EDC3: variants seen among roughly 807,000 people sequenced by gnomAD.
The protein encoded by EDC3 is enhancer of mRNA decapping 3.
A neutral mutation model predicts 41.8 loss-of-function variants in EDC3; 20 were observed. The ratio of observed to expected loss-of-function variants is 0.48; its 90% CI spans 0.34 to 0.70. The LOEUF (loss-of-function observed/expected upper bound fraction) is 0.70. Among genes scored for constraint, EDC3 ranks in the 30% least tolerant of loss-of-function variants. The pLI, the probability that EDC3 is intolerant of heterozygous loss-of-function variation, is 0.01. For missense variants in EDC3, 444 were observed against 636.8 expected, an observed-to-expected ratio of 0.70 and a Z score of 3.26; for synonymous variants, 206 against 243.2, an observed-to-expected ratio of 0.85 and a Z score of 1.42.
chr15:74,672,165 A>C lies in EDC3; in HGVS notation c.165-391T>G, dbSNP rs1364973060. ...GCACCTGTAGTCCCAGCTACTTGGGAGGCTGAGGCAGGAGAATGGCGTGAA... is the reference window on the plus strand; with the variant it reads ...GCACCTGTAGTCCCAGCTACTTGGGCGGCTGAGGCAGGAGAATGGCGTGAA... On this transcript the variant is annotated intron_variant, in intron 2 of 6. Coordinates refer to ENST00000315127, the MANE Select transcript of EDC3 (RefSeq NM_025083.5). Among the ~76,000 whole-genome samples the C allele has an allele frequency of 4.1e-5, 6 of 147,314 alleles. No homozygotes were observed. The Admixed American group carries it at 4.1e-4, about 10-fold the overall frequency.
intron 4 of EDC3, among the ~76,000 whole-genome samples, chr15:74,652,906 G>A (rs926468596): frequency 1.1e-4 from 17 of 152,152 alleles, no homozygotes; most frequent in African/African-American, 3.6e-4. Flanking sequence ...CCAGCTGGGC[G>A]TGGTGGCTGA....
intron 1 of EDC3, among the ~76,000 whole-genome samples, chr15:74,683,092 CT>C (rs1385263806): frequency 2.0e-5 from 3 of 152,170 alleles, no homozygotes; most frequent in Non-Finnish European, 4.4e-5. Flanking sequence ...AAGCCACAAA[CT>C]GGAAACAACT....
intron 3 of EDC3, among the ~76,000 whole-genome samples, chr15:74,659,693 G>T (rs917514771): frequency 2.7e-5 from 4 of 150,652 alleles, no homozygotes; most frequent in Non-Finnish European, 5.9e-5. Flanking sequence ...CAACATAGTG[G>T]GACCCCTGTC....
At chr15:74,674,438 A>G (rs1352854095) in intron 2 of EDC3, among the ~76,000 whole-genome samples, 1 of 152,234 alleles carries the variant, frequency 6.6e-6, no homozygotes, top group East Asian at 1.9e-4. Context: ...TGGGATTGAG[A>G]TACTGTCAGT....
intron 1 of EDC3, chr15:74,695,466 C>CAGTT (rs1463102289): frequency 6.6e-6 from 1 of 152,092 alleles, no homozygotes; most frequent in Non-Finnish European, 1.5e-5. Flanking sequence ...TTCTACCCTC[C>CAGTT]AGTTCATCTC....
intron 4 of EDC3, among the ~76,000 whole-genome samples, chr15:74,647,977 T>A (rs117325049): frequency 2.9e-4 from 44 of 152,098 alleles, no homozygotes; most frequent in Non-Finnish European, 6.2e-4. Flanking sequence ...CGTTGGGGAA[T>A]GAAGTTGGGG....
At chr15:74,690,710 G>A (rs965413199) in intron 1 of EDC3, among the ~76,000 whole-genome samples, 2 of 152,220 alleles carry the variant, frequency 1.3e-5, no homozygotes, top group African/African-American at 4.8e-5. Context: ...ACTTTGGGAG[G>A]CTGAGGCAGG....
chr15:74,659,915 C>T (rs1373879583), intron 3 of EDC3, among the ~76,000 whole-genome samples: 4 of 151,414 alleles, frequency 2.6e-5, no homozygotes, highest in South Asian at 2.1e-4. Flanking sequence ...CATGGTGGCG[C>T]GCACATGTAG....
rs2063046051 is a variant in EDC3 at position 74,694,722 on chromosome 15, T to C, written c.-19+1158A>G. ...GTAGAAAGGGTAAGTAAACTTTTCATTGGTGTGTGTGTGTGTGTACACACT... is the reference window on the plus strand; with the variant it reads ...GTAGAAAGGGTAAGTAAACTTTTCACTGGTGTGTGTGTGTGTGTACACACT... On this transcript the variant is annotated intron_variant, in intron 1 of 6. Transcript: ENST00000315127. 4.1e-5 allele frequency among the ~76,000 whole-genome samples: 6 copies of C among 144,882 alleles called. No homozygotes were observed. The Admixed American group carries it at 4.5e-4, about 11-fold the overall frequency.
intron 1 of EDC3, among the ~76,000 whole-genome samples, chr15:74,685,442 G>GT (rs1439871615): frequency 6.6e-6 from 1 of 152,270 alleles, no homozygotes; most frequent in Admixed American, 6.5e-5. Context: ...GATAGTGTGT[G>GT]TGTCACCCCA....
Position 74,688,327 on chromosome 15 carries a change from T to C in EDC3, c.-19+7553A>G, listed in dbSNP as rs950067180. Among the ~76,000 whole-genome samples the C allele has an allele frequency of 1.4e-4, 22 of 152,332 alleles. 1 individual carries two copies. Among genetic ancestry groups the C allele is most frequent in the East Asian group, 7.7e-4 (4 of 5,188 alleles). On this transcript the variant is annotated intron_variant, in intron 1 of 6. Coordinates refer to ENST00000315127, the MANE Select transcript of EDC3 (RefSeq NM_025083.5). ...GGAGCTACAAGGAACCAATCTTGTC[T>C]TTTATTTTCTACTTTTCTATCAAGG...
rs1229978685 is a variant in EDC3 at position 74,680,133 on chromosome 15, GCT to G, written c.-18-4993_-18-4992del. 1.9e-4 allele frequency among the ~76,000 whole-genome samples: 28 copies of G among 151,224 alleles called. 2 individuals are homozygous for G. The South Asian group carries it at 5.8e-3, about 32-fold the overall frequency. On this transcript the variant is annotated intron_variant, in intron 1 of 6. Coordinates refer to ENST00000315127, the MANE Select transcript of EDC3 (RefSeq NM_025083.5). ...AAAAATTAGCCAGGCGTGGTGGCGT[GCT>G]CCTGAGTCCCAGCTACTCGAGAGGC...
intron 4 of EDC3, among the ~76,000 whole-genome samples, chr15:74,647,814 A>G (rs949587401): frequency 3.3e-5 from 5 of 152,238 alleles, no homozygotes; most frequent in African/African-American, 1.2e-4. Flanking sequence ...AACTAGGCTC[A>G]TTAGCTGTGT....
chr15:74,656,134 C>A, intron 3 of EDC3, 66 bp from the exon 4 acceptor site: 1 of 1,427,174 alleles, frequency 7.0e-7, no homozygotes, highest in Non-Finnish European at 9.6e-7. Flanking sequence ...GTGGAAAATA[C>A]ATTAGTCTTT....
chr15:74,635,155 C>T, intron 6 of EDC3: 2 of 676,598 alleles, frequency 3.0e-6, no homozygotes, highest in Non-Finnish European at 2.7e-6. Context: ...TCCCTAGCAT[C>T]AGGAAGAGTG....
chr15:74,655,144 A>G (rs2062530440), intron 4 of EDC3, among the ~76,000 whole-genome samples: 1 of 152,252 alleles, frequency 6.6e-6, no homozygotes, highest in Admixed American at 6.5e-5. Flanking sequence ...CTAAAAAAAG[A>G]AACAATAATC....
intron 1 of EDC3, among the ~76,000 whole-genome samples, chr15:74,684,572 T>C (rs2062914609): frequency 6.6e-6 from 1 of 151,038 alleles, no homozygotes; most frequent in Non-Finnish European, 1.5e-5. Context: ...CCACTTGTAC[T>C]TATATTCAAC....
Position 74,632,445 on chromosome 15 carries a change from G to C in EDC3, c.*167C>G. 1 of 839,134 alleles carries C rather than the reference G, an allele frequency of 1.2e-6. No individual in the cohort carries two copies. The highest frequency in any genetic ancestry group is 1.8e-6 in the Non-Finnish European group (1 of 554,848). The allele number at this position is 839,134 out of a possible 1,614,324, so 52.0% of individuals were successfully genotyped here. A position where few individuals can be genotyped will look rare whatever the true frequency, so the allele number is the denominator to read the frequency against. The stretch of plus-strand genomic sequence containing the variant: ...GAACCCAGTGGGAAAGACTTCCCTG[G>C]CTAAGAGCAAGTGACAGGTCAGTTT... On this transcript the variant is annotated 3_prime_UTR_variant, in exon 7 of 7. Transcript: ENST00000315127. The surrounding 1 kb of genome is among the most constrained non-coding windows in gnomAD (Gnocchi z 4.0).
At chr15:74,650,073 A>G (rs932382273) in intron 4 of EDC3, among the ~76,000 whole-genome samples, 14 of 152,146 alleles carry the variant, frequency 9.2e-5, no homozygotes, top group African/African-American at 3.4e-4. Context: ...TCAATGGTCT[A>G]AATCCCTAGT....
Sources: allele counts gnomAD v4.1 joint callset (sites outside exome capture counted in the v4.1 genomes callset), GRCh38; gene constraint gnomAD v4.1.1; non-coding constraint Gnocchi (gnomAD v3.1); transcripts MANE v1.5; gene names NCBI Gene and HGNC (gene_info 2026-07-23, HGNC 2026-07-21).